POMT2: variants seen among roughly 807,000 people sequenced by gnomAD.
POMT2 encodes the protein protein O-mannosyltransferase 2, also known as protein O-mannosyl-transferase 2.
POMT2 carries 75 observed loss-of-function variants against 100.0 expected under a neutral mutation model. That is an observed-to-expected ratio of 0.75 (90% CI 0.62 to 0.91). POMT2 has a LOEUF of 0.91. Among genes scored for constraint, POMT2 ranks in the 40% least tolerant of loss-of-function variants. The pLI, the probability that POMT2 is intolerant of heterozygous loss-of-function variation, is 0.00. For synonymous variants in POMT2, 378 were observed against 374.1 expected (o/e 1.01, Z -0.12); for missense variants, 940 against 955.1 (o/e 0.98, Z 0.21).
chr14:77,319,303 T>C (rs8177532), intron 1 of POMT2, among the ~76,000 whole-genome samples: 98 of 152,310 alleles, frequency 6.4e-4, no homozygotes, highest in African/African-American at 2.1e-3. Context: ...TAGAGTCCCA[T>C]TGACAACAAC....
intron 11 of POMT2, chr14:77,287,032 C>T: frequency 9.9e-7 from 1 of 1,006,672 alleles, no homozygotes. Flanking sequence ...CCAGGAGAGA[C>T]AGATGGTAGG....
chr14:77,278,352 G>T, intron 20 of POMT2, 42 bp downstream of exon 20: 2 of 1,396,294 alleles, frequency 1.4e-6, no homozygotes, highest in South Asian at 1.2e-5. Flanking sequence ...AGGCACTGCT[G>T]AGCCCACACT....
intron 1 of POMT2, among the ~76,000 whole-genome samples, chr14:77,319,027 C>T (rs1027559055): frequency 3.3e-5 from 5 of 152,172 alleles, no homozygotes; most frequent in Admixed American, 1.3e-4. Context: ...TGAGCCACTG[C>T]GCCCAGCCTG....
rs763011332 is a variant in POMT2, at chr14:77,299,589, T to C, written c.817-28A>G. ...GCAAACAGAGGCCAGCGTGGGGTGCTAGGCATGTGAGACCTCATTATTCCT... is the reference window on the plus strand; with the variant it reads ...GCAAACAGAGGCCAGCGTGGGGTGCCAGGCATGTGAGACCTCATTATTCCT... On this transcript the variant is annotated intron_variant, in intron 6 of 20. Coordinates refer to ENST00000261534, the MANE Select transcript of POMT2 (RefSeq NM_013382.7). The C allele has an allele frequency of 5.7e-6, 9 of 1,568,638 alleles. No individual in the cohort carries two copies. In the South Asian group the frequency reaches 8.9e-5, roughly 15 times the overall value.
Position 77,278,855 on chromosome 14 carries a change from G to A in POMT2, c.1906C>T (p.Leu636=). 6.2e-7 allele frequency: 1 copy of A among 1,613,260 alleles called. No homozygotes were observed. The highest frequency in any genetic ancestry group is 8.5e-7 in the Non-Finnish European group (1 of 1,179,784). Residue 636 remains leucine (L), a synonymous_variant, in exon 19 of 21, where the codon CTG becomes TTG. Transcript: ENST00000261534. ...PAEVAGLSQV[L]LRGGGQVLLG... ...AGGACCTGGCCGCCTCCTCGAAGCA[G>A]GACCTGGGACAACCCTGGGCCCAAG...
At chr14:77,280,866 T>C (rs1417008042) in intron 15 of POMT2, among the ~76,000 whole-genome samples, 1 of 151,794 alleles carries the variant, frequency 6.6e-6, no homozygotes, top group Non-Finnish European at 1.5e-5. Context: ...CCGAGGCGGG[T>C]GGATCACCTG....
intron 15 of POMT2, among the ~76,000 whole-genome samples, chr14:77,282,661 T>A (rs185263898): frequency 9.9e-5 from 15 of 151,850 alleles, no homozygotes; most frequent in Admixed American, 9.8e-4. Flanking sequence ...AAGCAGAGAG[T>A]CAGAAAGGAA....
chr14:77,275,800 C>A lies in POMT2; in HGVS notation c.*1576G>T, dbSNP rs1417005097. The A allele has an allele frequency of 1.3e-5, 2 of 152,394 alleles. No individual in the cohort carries two copies. The highest frequency in any genetic ancestry group is 4.8e-5 in the African/African-American group (2 of 41,468). The allele number at this position is 152,394 out of a possible 1,614,324, so 9.4% of individuals were successfully genotyped here. A position where few individuals can be genotyped will look rare whatever the true frequency, so the allele number is the denominator to read the frequency against. On this transcript the variant is annotated 3_prime_UTR_variant, in exon 21 of 21. Transcript: ENST00000261534. ...AAAGGGAGGTCATCGGGCCCCAGATCTAATTAACCAACCTGCCTTGCTTTT... is the reference window on the plus strand; with the variant it reads ...AAAGGGAGGTCATCGGGCCCCAGATATAATTAACCAACCTGCCTTGCTTTT...
In POMT2 at chr14:77,320,833, G is replaced by A. The variant is rs1891872286; in HGVS notation, c.-152C>T. 7.4e-7 allele frequency: 1 copy of A among 1,360,470 alleles called. No individual in the cohort carries two copies. The highest frequency in any genetic ancestry group is 9.4e-7 in the Non-Finnish European group (1 of 1,060,150). 84.3% of individuals were successfully genotyped at this position (1,360,470 alleles called of 1,614,324 possible). On this transcript the variant is annotated 5_prime_UTR_variant, in exon 1 of 21. Coordinates refer to ENST00000261534, the MANE Select transcript of POMT2 (RefSeq NM_013382.7). Reference sequence around the variant, plus strand: ...AGCGCGGGGCCCCGGGCTCGGGGCGGGGCGGGCAGCGTGGTCGCGGCCCGG... The same window carrying A: ...AGCGCGGGGCCCCGGGCTCGGGGCGAGGCGGGCAGCGTGGTCGCGGCCCGG...
In POMT2 at chr14:77,296,213, T is replaced by C; in HGVS notation, c.1067A>G (p.His356Arg). 6.2e-7 allele frequency: 1 copy of C among 1,609,090 alleles called. No homozygotes were observed. Among genetic ancestry groups the C allele is most frequent in the Non-Finnish European group, 8.5e-7 (1 of 1,178,370 alleles). ...KNLRMAIGYL[H>R]SHRHLYPEGI... ...CTCGGGGTAGAGGTGCCTGTGGGAGTGCAGATAGCCGATGGCCATCCGGAG... is the reference window on the plus strand; with the variant it reads ...CTCGGGGTAGAGGTGCCTGTGGGAGCGCAGATAGCCGATGGCCATCCGGAG... The change falls in exon 9 of 21, where the codon CAC (histidine) becomes CGC (arginine). Residue 356 changes from histidine to arginine, a missense_variant. His to Arg is a conservative substitution (Grantham distance 29, BLOSUM62 0). Transcript: ENST00000261534.
At position 77,320,705 on chromosome 14, in the gene POMT2, T is replaced by C; in HGVS notation, c.-24A>G. On this transcript the variant is annotated 5_prime_UTR_variant, in exon 1 of 21. Coordinates refer to ENST00000261534, the MANE Select transcript of POMT2 (RefSeq NM_013382.7). ...ATCTTCCCCCTCCTCTGGGTCGCCCTCCGGCCCGGAGGCACACTTTGTCTG... is the reference window on the plus strand; with the variant it reads ...ATCTTCCCCCTCCTCTGGGTCGCCCCCCGGCCCGGAGGCACACTTTGTCTG... The C allele has an allele frequency of 6.3e-7, 1 of 1,590,020 alleles. No individual in the cohort carries two copies. The highest frequency in any genetic ancestry group is 8.5e-7 in the Non-Finnish European group (1 of 1,176,714).
rs566173319 is a variant in POMT2 at position 77,276,339 on chromosome 14, AGAG to A, written c.*1034_*1036del. ...CCCACGGAGTGAGGGAGGGGTGAGC[AGAG>A]GAGGACTGCAGAAGTGACACTGGGA... On this transcript the variant is annotated 3_prime_UTR_variant, in exon 21 of 21. Transcript: ENST00000261534. 6 of 152,912 alleles carry A rather than the reference AGAG, an allele frequency of 3.9e-5. No homozygotes were observed. Among genetic ancestry groups the A allele is most frequent in the South Asian group, 2.1e-4 (1 of 4,832 alleles). The allele number at this position is 152,912 out of a possible 1,614,324, so 9.5% of individuals were successfully genotyped here. A position where few individuals can be genotyped will look rare whatever the true frequency, so the allele number is the denominator to read the frequency against.
intron 18 of POMT2, chr14:77,279,587 C>G: frequency 1.5e-6 from 1 of 653,336 alleles, no homozygotes; most frequent in Non-Finnish European, 2.8e-6. Flanking sequence ...CCTTGGTTTC[C>G]TAATCCATAA....
chr14:77,280,240 A>C lies in POMT2; in HGVS notation c.1725+152T>G, dbSNP rs906778931. 14 of 1,556,030 alleles carry C rather than the reference A, an allele frequency of 9.0e-6. No individual in the cohort carries two copies. The Admixed American group carries it at 2.7e-4, about 30-fold the overall frequency. On this transcript the variant is annotated intron_variant, in intron 16 of 20. Coordinates refer to ENST00000261534, the MANE Select transcript of POMT2 (RefSeq NM_013382.7). ...CTCTCTGGGAAGCAGGGTCAGAATT[A>C]GGGCAGAAAACAGATACTCCCACCT... is the stretch of plus-strand genomic sequence containing the variant.
rs771509741 is a variant in POMT2, at chr14:77,296,199, G to C, written c.1081C>G (p.Leu361Val). 1 of 1,608,670 alleles carries C rather than the reference G, an allele frequency of 6.2e-7. No homozygotes were observed. Residue 361 changes from leucine to valine, a missense_variant, in exon 9 of 21, where the codon CTC becomes GTC. Leu to Val is a conservative substitution (Grantham distance 32). Coordinates refer to ENST00000261534, the MANE Select transcript of POMT2 (RefSeq NM_013382.7). ...CGGGCACCAATGCCCTCGGGGTAGA[G>C]GTGCCTGTGGGAGTGCAGATAGCCG... ...AIGYLHSHRH[L>V]YPEGIGARQQ...
At chr14:77,291,074 A>G (rs931662040) in intron 10 of POMT2, among the ~76,000 whole-genome samples, 2 of 152,202 alleles carry the variant, frequency 1.3e-5, no homozygotes, top group African/African-American at 4.8e-5. Flanking sequence ...TCAAAATGAC[A>G]GCTCTAAGAG....
At chr14:77,283,367 A>T (rs578141839) in intron 15 of POMT2, among the ~76,000 whole-genome samples, 1 of 152,196 alleles carries the variant, frequency 6.6e-6, no homozygotes, top group Non-Finnish European at 1.5e-5. Context: ...GAGGTGAAGG[A>T]GTGTAGTGGT....
At chr14:77,301,006 A>T in intron 6 of POMT2, 84 bp downstream of exon 6, 1 of 1,609,720 alleles carries the variant, frequency 6.2e-7, no homozygotes, top group Non-Finnish European at 8.5e-7. Context: ...TGCCACCTGC[A>T]GTAGAGACAG....
intron 1 of POMT2, among the ~76,000 whole-genome samples, chr14:77,319,220 A>G (rs547923878): frequency 2.0e-5 from 3 of 152,326 alleles, no homozygotes; most frequent in Admixed American, 2.0e-4. Context: ...GGACTTATTC[A>G]CAAGTGGCTG....
Sources: gnomAD v4.1 joint callset for allele counts (sites outside exome capture counted in the v4.1 genomes callset) on GRCh38, gnomAD v4.1.1 for gene constraint, MANE v1.5 for transcripts, NCBI Gene and HGNC (gene_info 2026-07-23, HGNC 2026-07-21) for gene names.